The following GRM5 variants were observed in gnomAD, a reference collection of about 807,000 sequenced individuals.
The protein encoded by GRM5 is metabotropic glutamate receptor 5.
GRM5 carries 19 observed loss-of-function variants against 83.1 expected under a neutral mutation model. The observed-to-expected ratio is 0.23, with a 90% CI of 0.16 to 0.34. GRM5 has a LOEUF of 0.34. Ranked by LOEUF, GRM5 falls within the 10% of genes least tolerant of loss-of-function variation. The pLI, the probability that GRM5 is intolerant of heterozygous loss-of-function variation, is 1.00. For synonymous variants in GRM5, 675 were observed against 633.6 expected (o/e 1.07, Z -0.98); for missense variants, 1,160 against 1,588.3 (o/e 0.73, Z 4.58).
intron 4 of GRM5, among the ~76,000 whole-genome samples, chr11:88,610,806 A>G (rs1176777348): frequency 6.6e-6 from 1 of 152,202 alleles, no homozygotes; most frequent in Non-Finnish European, 1.5e-5. Flanking sequence ...CAATTCTCAG[A>G]AGGAATGCTT....
chr11:88,638,496 A>G (rs1241958061), intron 4 of GRM5, among the ~76,000 whole-genome samples: 2 of 151,920 alleles, frequency 1.3e-5, no homozygotes, highest in African/African-American at 4.8e-5. Flanking sequence ...TTCTGTCTTC[A>G]TTGATTGAAT....
chr11:88,621,147 T>G (rs940927676), intron 4 of GRM5, among the ~76,000 whole-genome samples: 1 of 152,182 alleles, frequency 6.6e-6, no homozygotes, highest in Non-Finnish European at 1.5e-5. Flanking sequence ...GGTTATGATA[T>G]TATTTAAAAG....
intron 2 of GRM5, among the ~76,000 whole-genome samples, chr11:88,919,693 C>G (rs907165515): frequency 1.5e-4 from 23 of 151,902 alleles, no homozygotes; most frequent in Non-Finnish European, 3.1e-4. Context: ...GAGATCATAT[C>G]AAGTGTTTTC....
At chr11:88,570,508 T>G (rs1381091789) in intron 7 of GRM5, among the ~76,000 whole-genome samples, 1 of 146,166 alleles carries the variant, frequency 6.8e-6, no homozygotes, top group South Asian at 2.1e-4. Context: ...TATTTACAAA[T>G]TTGCTCCTTG....
intron 3 of GRM5, among the ~76,000 whole-genome samples, chr11:88,838,849 A>G (rs181740222): frequency 1.3e-3 from 190 of 148,964 alleles, no homozygotes; most frequent in African/African-American, 4.4e-3. Flanking sequence ...TTCTCAACCC[A>G]CTGCCACACC....
At chr11:88,786,481 A>G (rs1455727184) in intron 3 of GRM5, among the ~76,000 whole-genome samples, 1 of 152,088 alleles carries the variant, frequency 6.6e-6, no homozygotes, top group Non-Finnish European at 1.5e-5. Flanking sequence ...TACTCTCTTT[A>G]GCTTTTTGAA....
At chr11:88,805,656 A>G (rs1278591460) in intron 3 of GRM5, among the ~76,000 whole-genome samples, 1 of 152,194 alleles carries the variant, frequency 6.6e-6, no homozygotes, top group Middle Eastern at 3.2e-3. Context: ...CACTCTTCTA[A>G]TCAAGCATTC....
chr11:88,909,040 G>A (rs1037245860), intron 2 of GRM5, among the ~76,000 whole-genome samples: 7 of 152,116 alleles, frequency 4.6e-5, no homozygotes, highest in African/African-American at 9.6e-5. Flanking sequence ...TCTTGGAGAC[G>A]TTGAGTCCAA....
At chr11:88,681,202 G>T (rs752377769) in intron 3 of GRM5, among the ~76,000 whole-genome samples, 3 of 152,046 alleles carry the variant, frequency 2.0e-5, no homozygotes, top group Non-Finnish European at 4.4e-5. Flanking sequence ...TTAAAAAGAA[G>T]TCTTAATTTG....
chr11:88,933,969 AG>A (rs1937806670), intron 2 of GRM5, among the ~76,000 whole-genome samples: 1 of 151,824 alleles, frequency 6.6e-6, no homozygotes, highest in Non-Finnish European at 1.5e-5. Flanking sequence ...ACTAGCAAAA[AG>A]AAAAGTACTT....
chr11:88,856,504 T>G (rs916978510), intron 2 of GRM5, among the ~76,000 whole-genome samples: 8 of 152,054 alleles, frequency 5.3e-5, no homozygotes, highest in African/African-American at 1.9e-4. Context: ...GAATACCTCC[T>G]GAAAGATCTG....
intron 3 of GRM5, among the ~76,000 whole-genome samples, chr11:88,758,377 G>A (rs890246545): frequency 1.3e-5 from 2 of 152,106 alleles, no homozygotes; most frequent in Non-Finnish European, 2.9e-5. Flanking sequence ...GGCCAGTATA[G>A]AAAAGTATGT....
chr11:88,561,752 T>TA (rs1017192710), intron 8 of GRM5, among the ~76,000 whole-genome samples: 1 of 152,270 alleles, frequency 6.6e-6, no homozygotes, highest in Non-Finnish European at 1.5e-5. Flanking sequence ...TGTTTCCATA[T>TA]AAAAAAATCT....
At chr11:88,947,029 A>G (rs1938302939) in intron 2 of GRM5, among the ~76,000 whole-genome samples, 1 of 152,184 alleles carries the variant, frequency 6.6e-6, no homozygotes. Flanking sequence ...ATCAGTAGAA[A>G]GCTTTTTGGC....
intron 2 of GRM5, among the ~76,000 whole-genome samples, chr11:88,988,583 G>A (rs1939827800): frequency 6.6e-6 from 1 of 150,876 alleles, no homozygotes; most frequent in Non-Finnish European, 1.5e-5. Flanking sequence ...TTGAAATGAA[G>A]GAAAAAATGT....
chr11:88,647,405 C>T (rs1286603494), intron 4 of GRM5, among the ~76,000 whole-genome samples: 1 of 151,964 alleles, frequency 6.6e-6, no homozygotes, highest in East Asian at 1.9e-4. Flanking sequence ...TAAGATGACG[C>T]TTTATAAATT....
At chr11:88,948,438 T>C (rs1422365080) in intron 2 of GRM5, among the ~76,000 whole-genome samples, 1 of 152,188 alleles carries the variant, frequency 6.6e-6, no homozygotes, top group Non-Finnish European at 1.5e-5. Flanking sequence ...TGACTAGAAA[T>C]AAATTTTTAC....
At chr11:88,995,361 A>G (rs946723999) in intron 2 of GRM5, among the ~76,000 whole-genome samples, 1 of 151,934 alleles carries the variant, frequency 6.6e-6, no homozygotes, top group Non-Finnish European at 1.5e-5. Flanking sequence ...CCTGGCCAAC[A>G]TGATGAAACC....
At chr11:88,706,618 T>TCC (rs1377930160) in intron 3 of GRM5, among the ~76,000 whole-genome samples, 3 of 152,092 alleles carry the variant, frequency 2.0e-5, no homozygotes, top group African/African-American at 7.2e-5. Context: ...CCTGGATGGA[T>TCC]GGTCACCTTA....
Sources: gnomAD v4.1 joint callset for allele counts (sites outside exome capture counted in the v4.1 genomes callset) on GRCh38, gnomAD v4.1.1 for gene constraint, MANE v1.5 for transcripts, NCBI Gene and HGNC (gene_info 2026-07-23, HGNC 2026-07-21) for gene names.